Variants in ARB2A observed in about 807,000 individuals in gnomAD.
The protein encoded by ARB2A is ARB2 cotranscriptional regulator A.
the ARB2A span, among the ~76,000 whole-genome samples, chr5:93,914,505 A>G: frequency 6.6e-6 from 1 of 151,992 alleles, no homozygotes; most frequent in East Asian, 1.9e-4. Flanking sequence ...GAGAGTGAAC[A>G]AAGACTGAAT....
At chr5:93,752,874 T>C in the ARB2A span, among the ~76,000 whole-genome samples, 380 of 152,284 alleles carry the variant, frequency 2.5e-3, 5 homozygotes, top group Admixed American at 0.024. Flanking sequence ...TAACTAATAA[T>C]TATAAGGTAG....
the ARB2A span, among the ~76,000 whole-genome samples, chr5:93,801,087 C>A: frequency 6.6e-6 from 1 of 152,054 alleles, no homozygotes; most frequent in African/African-American, 2.4e-5. Context: ...CCAAATGAAT[C>A]ACACTAACTC....
the ARB2A span, among the ~76,000 whole-genome samples, chr5:93,757,637 A>C: frequency 6.6e-6 from 1 of 152,204 alleles, no homozygotes; most frequent in African/African-American, 2.4e-5. Flanking sequence ...ACTAAGCATC[A>C]CATATAAAAG....
At chr5:94,060,189 C>T in the ARB2A span, among the ~76,000 whole-genome samples, 4 of 151,990 alleles carry the variant, frequency 2.6e-5, no homozygotes, top group South Asian at 2.1e-4. Flanking sequence ...CCCGTCTCTA[C>T]TTAAAATACA....
the ARB2A span, among the ~76,000 whole-genome samples, chr5:93,666,056 G>A: frequency 2.0e-5 from 3 of 152,238 alleles, no homozygotes; most frequent in Non-Finnish European, 2.9e-5. Context: ...CAGCCACAAA[G>A]GACTAGATGA....
the ARB2A span, among the ~76,000 whole-genome samples, chr5:93,899,398 G>A: frequency 1.5e-4 from 23 of 151,986 alleles, no homozygotes; most frequent in African/African-American, 4.1e-4. Context: ...GTTCTTTTTC[G>A]TTCTGGTGAT....
chr5:94,011,701 G>A, the ARB2A span, among the ~76,000 whole-genome samples: 5 of 152,002 alleles, frequency 3.3e-5, no homozygotes, highest in African/African-American at 7.3e-5. Flanking sequence ...GTAGAAAAAC[G>A]ATAAATTCGG....
chr5:94,054,194 G>T, the ARB2A span, among the ~76,000 whole-genome samples: 1 of 152,152 alleles, frequency 6.6e-6, no homozygotes, highest in African/African-American at 2.4e-5. Flanking sequence ...TCAAAATGAA[G>T]ACACCAATAT....
the ARB2A span, among the ~76,000 whole-genome samples, chr5:93,837,325 C>T: frequency 6.5e-4 from 99 of 152,166 alleles, no homozygotes; most frequent in African/African-American, 4.3e-4. Flanking sequence ...TAGTATTCCA[C>T]GGTGTATATG....
the ARB2A span, among the ~76,000 whole-genome samples, chr5:93,766,967 C>T: frequency 6.8e-6 from 1 of 147,172 alleles, no homozygotes; most frequent in South Asian, 2.1e-4. Context: ...CATGTTCTCA[C>T]TCATAGGTGG....
At chr5:93,751,226 C>T in the ARB2A span, among the ~76,000 whole-genome samples, 12 of 151,968 alleles carry the variant, frequency 7.9e-5, no homozygotes, top group Non-Finnish European at 1.0e-4. Context: ...TTATATAATA[C>T]AACTGAATTC....
the ARB2A span, among the ~76,000 whole-genome samples, chr5:93,679,857 A>T: frequency 6.6e-6 from 1 of 152,186 alleles, no homozygotes; most frequent in African/African-American, 2.4e-5. Flanking sequence ...AATTTAGAGC[A>T]TAATGTGGGA....
At chr5:94,099,504 G>A in the ARB2A span, among the ~76,000 whole-genome samples, 3 of 151,134 alleles carry the variant, frequency 2.0e-5, no homozygotes, top group African/African-American at 7.3e-5. Flanking sequence ...GGCGCCTGTG[G>A]TCCCAGCTAC....
At chr5:93,699,852 C>T in the ARB2A span, among the ~76,000 whole-genome samples, 7 of 151,570 alleles carry the variant, frequency 4.6e-5, no homozygotes, top group East Asian at 1.4e-3. Context: ...TAGATGAGAT[C>T]AGAACAGAGG....
At chr5:93,707,990 G>A in the ARB2A span, among the ~76,000 whole-genome samples, 15 of 152,270 alleles carry the variant, frequency 9.9e-5, no homozygotes, top group East Asian at 2.3e-3. Context: ...GTTTAAACGT[G>A]TAAGAGTTTC....
the ARB2A span, among the ~76,000 whole-genome samples, chr5:93,800,213 A>G: frequency 6.6e-6 from 1 of 152,132 alleles, no homozygotes; most frequent in Non-Finnish European, 1.5e-5. Context: ...ACTGGTGTTT[A>G]GACCAAGCTT....
At chr5:94,069,039 AAGATAGATAGATAGAT>A in the ARB2A span, among the ~76,000 whole-genome samples, 3 of 140,296 alleles carry the variant, frequency 2.1e-5, no homozygotes, top group East Asian at 2.1e-4. Flanking sequence ...CTGTCTTAAA[AAGATAGATAGATAGAT>A]AGATAGATAG....
the ARB2A span, chr5:94,053,072 TATAGATAGATAGATAGATAG>T: frequency 1.6e-4 from 104 of 638,628 alleles, no homozygotes; most frequent in Admixed American, 3.5e-4. Flanking sequence ...TTGCATATAC[TATAGATAGATAGATAGATAG>T]ATAGATAGAT....
the ARB2A span, chr5:93,743,610 T>TAAAGAAGAG: frequency 1.0e-6 from 1 of 953,026 alleles, no homozygotes; most frequent in Non-Finnish European, 1.2e-6. Flanking sequence ...CAAAGAGGGA[T>TAAAGAAGAG]AAAGAAGAGA....
Sources: allele counts gnomAD v4.1 joint callset (sites outside exome capture counted in the v4.1 genomes callset), GRCh38; gene constraint gnomAD v4.1.1; transcripts MANE v1.5; gene names NCBI Gene and HGNC (gene_info 2026-07-23, HGNC 2026-07-21).